NOTCH2: variants seen among roughly 807,000 people sequenced by gnomAD.
NOTCH2 encodes neurogenic locus notch homolog protein 2.
NOTCH2 carries 29 observed loss-of-function variants against 235.8 expected under a neutral mutation model. The observed-to-expected ratio is 0.12, with a 90% CI of 0.09 to 0.17. The LOEUF is 0.17. NOTCH2 is among the 10% of genes least tolerant of loss of function. NOTCH2 has a pLI of 1.00. For missense variants in NOTCH2, 2,285 were observed against 3,150.2 expected (o/e 0.73, Z 6.57); for synonymous variants, 1,086 against 1,141.5 (o/e 0.95, Z 0.98).
In NOTCH2 at chr1:119,915,542, A is replaced by G; in HGVS notation, c.7180T>C (p.Ser2394Pro). Reference protein sequence around the residue: ...PTPPSQHSYASSNAAERTPSH... With the variant: ...PTPPSQHSYAPSNAAERTPSH... ...GGTGTTCGCTCAGCAGCATTTGAGG[A>G]AGCATAACTGTGCTGTGAAGGGGGT... The change falls in exon 34 of 34, where the codon TCC (serine) becomes CCC (proline). Residue 2394 changes from serine (S) to proline (P), a missense_variant. By Grantham distance (74) the Ser-to-Pro change is moderately conservative. This residue lies in a region of NOTCH2 where 504 missense variants were observed against 538.0 expected (regional missense o/e 0.94). Coordinates refer to ENST00000256646, the MANE Select transcript of NOTCH2 (RefSeq NM_024408.4). The G allele has an allele frequency of 6.2e-7, 1 of 1,614,026 alleles. No homozygotes were observed. The highest frequency in any genetic ancestry group is 1.1e-5 in the South Asian group (1 of 91,082).
intron 5 of NOTCH2, among the ~76,000 whole-genome samples, chr1:119,976,047 C>T (rs1380022352): frequency 2.0e-5 from 3 of 152,236 alleles, no homozygotes; most frequent in African/African-American, 4.8e-5. Context: ...GATCACATTA[C>T]TGGTCCAGTT....
chr1:119,935,796 G>A (rs1223562331), intron 21 of NOTCH2, among the ~76,000 whole-genome samples, 192 bp from the exon 22 acceptor site: 1 of 152,176 alleles, frequency 6.6e-6, no homozygotes, highest in Non-Finnish European at 1.5e-5. Context: ...CAGCTTACTG[G>A]CATTTACCTA....
chr1:119,948,352 T>C (rs1453518531), intron 17 of NOTCH2, 62 bp downstream of exon 17: 7 of 1,601,116 alleles, frequency 4.4e-6, no homozygotes, highest in Non-Finnish European at 5.1e-6. Flanking sequence ...CACTGGGCTC[T>C]CCTCTGCTCC....
chr1:119,974,430 C>T (rs587731765), intron 5 of NOTCH2, among the ~76,000 whole-genome samples: 5 of 152,230 alleles, frequency 3.3e-5, no homozygotes, highest in African/African-American at 1.2e-4. Context: ...TAAAAACTAC[C>T]CTCTCTAATG....
chr1:119,995,528 T>G (rs1409666844), intron 4 of NOTCH2: 1 of 152,242 alleles, frequency 6.6e-6, no homozygotes, highest in East Asian at 1.9e-4. Flanking sequence ...TACATTTCTA[T>G]TTCTGTCTTT....
At position 119,941,508 on chromosome 1, in the gene NOTCH2, G is replaced by A. The variant is rs374603203; in HGVS notation, c.2981+18C>T. The A allele has an allele frequency of 7.7e-6, 12 of 1,549,860 alleles. No individual in the cohort carries two copies. Among genetic ancestry groups the A allele is most frequent in the African/African-American group, 4.1e-5 (3 of 73,622 alleles). On this transcript the variant is annotated intron_variant, in intron 18 of 33. Transcript: ENST00000256646. ...TTTCTCTCGTAAGATGCTGATGCCC[G>A]AGGGACTGGTTGCTCACCTCTCAGT...
At position 119,935,551 on chromosome 1, in the gene NOTCH2, C is replaced by T. The variant is rs782593874; in HGVS notation, c.3576G>A (p.Gln1192=). 9.9e-6 allele frequency: 16 copies of T among 1,614,218 alleles called. No individual in the cohort carries two copies. Among genetic ancestry groups the T allele is most frequent in the Middle Eastern group, 1.6e-4 (1 of 6,062 alleles). Residue 1192 remains glutamine (Q), a synonymous_variant, in exon 22 of 34, where the codon CAG becomes CAA. Transcript: ENST00000256646. The part of the protein sequence containing the change: ...VNCEYEVDEC[Q]NQPCQNGGTC... The stretch of plus-strand genomic sequence containing the variant: ...TGCCTCCATTCTGGCAGGGCTGATT[C>T]TGGCACTCATCCACTTCATACTCAC...
chr1:119,966,347 G>A, intron 9 of NOTCH2, 29 bp downstream of exon 9: 1 of 1,504,222 alleles, frequency 6.6e-7, no homozygotes, highest in South Asian at 1.1e-5. Context: ...TGCTTTAAGA[G>A]AAAACAGGGC....
intron 12 of NOTCH2, among the ~76,000 whole-genome samples, chr1:119,957,024 A>G (rs189331189): frequency 1.1e-4 from 16 of 152,352 alleles, no homozygotes; most frequent in African/African-American, 3.6e-4. Context: ...TAATAAATGA[A>G]AACATGGTAT....
chr1:119,988,314 G>A (rs1200710162), intron 4 of NOTCH2, among the ~76,000 whole-genome samples: 1 of 152,128 alleles, frequency 6.6e-6, no homozygotes, highest in Non-Finnish European at 1.5e-5. Flanking sequence ...TATAAACTGA[G>A]TGACCAAAAA....
chr1:120,066,120 C>T lies in NOTCH2; in HGVS notation c.73+3214G>A, dbSNP rs587770698. Among the ~76,000 whole-genome samples, 4 of 152,120 alleles carry T rather than the reference C, an allele frequency of 2.6e-5. No homozygotes were observed. In the South Asian group the frequency reaches 8.3e-4, roughly 32 times the overall value. On this transcript the variant is annotated intron_variant, in intron 1 of 33. Transcript: ENST00000256646. Reference sequence around the variant, plus strand: ...AAAGGGTCAATGCAGACATATTGCACCCAGATAAATAGAAGAAATGACATT... The same window carrying T: ...AAAGGGTCAATGCAGACATATTGCATCCAGATAAATAGAAGAAATGACATT...
chr1:119,970,758 G>GT (rs1651330035), intron 5 of NOTCH2, among the ~76,000 whole-genome samples: 1 of 152,200 alleles, frequency 6.6e-6, no homozygotes, highest in Non-Finnish European at 1.5e-5. Flanking sequence ...GTGGTGATTG[G>GT]TTTTGTTTGA....
intron 5 of NOTCH2, among the ~76,000 whole-genome samples, chr1:119,974,638 A>C (rs1474135277): frequency 1.3e-5 from 2 of 152,174 alleles, no homozygotes; most frequent in East Asian, 3.8e-4. Context: ...TTCCTCAAAC[A>C]TTAAGTTCTC....
intron 26 of NOTCH2, 114 bp downstream of exon 26, chr1:119,923,523 C>T (rs1046823306): frequency 1.1e-6 from 1 of 917,438 alleles, no homozygotes; most frequent in East Asian, 2.4e-5. Context: ...AAGTGGTGGG[C>T]CATTCTATTT....
chr1:119,989,046 G>A (rs917789783), intron 4 of NOTCH2, among the ~76,000 whole-genome samples: 1 of 152,154 alleles, frequency 6.6e-6, no homozygotes, highest in Non-Finnish European at 1.5e-5. Flanking sequence ...TAGGTAGATA[G>A]GTAGGTAAGA....
Position 119,958,249 on chromosome 1 carries a change from A to AC in NOTCH2, c.2026+1142dup, listed in dbSNP as rs1224176931. Reference sequence around the variant, plus strand: ...ACAGCAGCACTGGGCATTGGGTATGACAGTTTTCATCAGATTTTGCTTCTC... The same window carrying AC: ...ACAGCAGCACTGGGCATTGGGTATGACCAGTTTTCATCAGATTTTGCTTCTC... On this transcript the variant is annotated intron_variant, in intron 12 of 33. Transcript: ENST00000256646. 2.0e-5 allele frequency among the ~76,000 whole-genome samples: 3 copies of AC among 152,314 alleles called. No homozygotes were observed. The East Asian group carries it at 5.8e-4, about 29-fold the overall frequency.
intron 5 of NOTCH2, among the ~76,000 whole-genome samples, chr1:119,977,977 A>C (rs1651656331): frequency 6.6e-6 from 1 of 152,198 alleles, no homozygotes; most frequent in Admixed American, 6.5e-5. Flanking sequence ...CAGAACTTAC[A>C]AACAGCAGAC....
At chr1:119,948,643 AG>A in intron 16 of NOTCH2, 77 bp from the exon 17 acceptor site, 9 of 1,532,140 alleles carry the variant, frequency 5.9e-6, no homozygotes, top group Non-Finnish European at 8.1e-6. Flanking sequence ...ACCTGAGCTT[AG>A]TTGGGGTGCA....
At chr1:120,045,831 A>G (rs1205832584) in intron 1 of NOTCH2, among the ~76,000 whole-genome samples, 7 of 152,286 alleles carry the variant, frequency 4.6e-5, no homozygotes, top group Non-Finnish European at 8.8e-5. Flanking sequence ...AAACTCTTCA[A>G]TTTACATTCT....
Sources: gnomAD v4.1 joint callset for allele counts (sites outside exome capture counted in the v4.1 genomes callset) on GRCh38, gnomAD v4.1.1 for gene constraint, gnomAD v4.1.1 regional missense constraint, MANE v1.5 for transcripts, NCBI Gene and HGNC (gene_info 2026-07-23, HGNC 2026-07-21) for gene names.